Variants in ARB2A observed in about 807,000 individuals in gnomAD.
The protein encoded by ARB2A is cotranscriptional regulator ARB2A.
chr5:94,090,982 A>G, the ARB2A span, among the ~76,000 whole-genome samples: 1 of 152,238 alleles, frequency 6.6e-6, no homozygotes, highest in Non-Finnish European at 1.5e-5. Context: ...ATGCTTTAAC[A>G]GTCTTTGAAT....
At chr5:93,751,306 T>C in the ARB2A span, among the ~76,000 whole-genome samples, 1 of 152,194 alleles carries the variant, frequency 6.6e-6, no homozygotes, top group Non-Finnish European at 1.5e-5. Flanking sequence ...TTTTCATTTA[T>C]TGGTACAATA....
the ARB2A span, among the ~76,000 whole-genome samples, chr5:94,028,167 T>C: frequency 3.9e-5 from 6 of 152,224 alleles, no homozygotes; most frequent in African/African-American, 1.4e-4. Flanking sequence ...ATAGACATTA[T>C]CTCATCTCTC....
chr5:93,739,840 G>A, the ARB2A span: 2 of 152,122 alleles, frequency 1.3e-5, no homozygotes, highest in African/African-American at 2.4e-5. Context: ...TGGGACCGAA[G>A]CTCTGAAGTC....
the ARB2A span, chr5:93,740,869 C>A: frequency 3.3e-5 from 54 of 1,613,878 alleles, no homozygotes; most frequent in South Asian, 5.6e-4. Context: ...GGGCTTAGGG[C>A]ACCGCTGGAA....
chr5:94,074,610 A>G, the ARB2A span: 10 of 1,530,158 alleles, frequency 6.5e-6, no homozygotes, highest in East Asian at 2.3e-5. Context: ...ATTAGGCACA[A>G]TGAAAATTTC....
chr5:93,666,486 C>A, the ARB2A span, among the ~76,000 whole-genome samples: 1 of 148,814 alleles, frequency 6.7e-6, no homozygotes, highest in Non-Finnish European at 1.5e-5. Flanking sequence ...ATCAAAGGAT[C>A]AAAATAGTGC....
chr5:93,982,971 G>T, the ARB2A span, among the ~76,000 whole-genome samples: 1 of 152,114 alleles, frequency 6.6e-6, no homozygotes, highest in Admixed American at 6.5e-5. Flanking sequence ...TAGGAGAATC[G>T]CTTGAACTCA....
At chr5:93,975,986 C>A in the ARB2A span, among the ~76,000 whole-genome samples, 2 of 152,110 alleles carry the variant, frequency 1.3e-5, no homozygotes, top group Non-Finnish European at 2.9e-5. Flanking sequence ...ACCAATCAAT[C>A]CTCAACAAAA....
the ARB2A span, among the ~76,000 whole-genome samples, chr5:93,847,878 T>C: frequency 1.3e-5 from 2 of 152,206 alleles, no homozygotes; most frequent in Non-Finnish European, 2.9e-5. Context: ...CCCTGTGCTA[T>C]GCTAACTCAC....
chr5:93,750,019 G>T, the ARB2A span, among the ~76,000 whole-genome samples: 1 of 152,132 alleles, frequency 6.6e-6, no homozygotes, highest in Admixed American at 6.5e-5. Flanking sequence ...CTTTCTAGGA[G>T]ACTGTGAGCT....
At chr5:94,056,806 T>C in the ARB2A span, among the ~76,000 whole-genome samples, 1 of 152,232 alleles carries the variant, frequency 6.6e-6, no homozygotes, top group Non-Finnish European at 1.5e-5. Flanking sequence ...AATGGTATGA[T>C]GGCTAATTTT....
the ARB2A span, among the ~76,000 whole-genome samples, chr5:93,663,999 A>G: frequency 6.6e-6 from 1 of 152,136 alleles, no homozygotes; most frequent in East Asian, 1.9e-4. Context: ...CAAAGGGTTC[A>G]TGTATCAATA....
the ARB2A span, among the ~76,000 whole-genome samples, chr5:93,629,956 A>G: frequency 1.3e-5 from 2 of 152,156 alleles, no homozygotes; most frequent in African/African-American, 4.8e-5. Context: ...ATATATAACA[A>G]TCAGGAGATC....
chr5:93,771,548 C>T, the ARB2A span, among the ~76,000 whole-genome samples: 4 of 152,066 alleles, frequency 2.6e-5, no homozygotes, highest in South Asian at 4.2e-4. Flanking sequence ...ATTTTCGCAA[C>T]CTACTCATCT....
the ARB2A span, among the ~76,000 whole-genome samples, chr5:93,628,744 T>C: frequency 6.6e-6 from 1 of 152,238 alleles, no homozygotes; most frequent in Non-Finnish European, 1.5e-5. Context: ...TGCAGCTTCT[T>C]CATCTCTCTC....
At chr5:93,908,627 T>G in the ARB2A span, among the ~76,000 whole-genome samples, 1 of 148,542 alleles carries the variant, frequency 6.7e-6, no homozygotes, top group African/African-American at 2.6e-5. Context: ...TAGATAATAC[T>G]CACGTTAACT....
At chr5:93,656,031 G>C in the ARB2A span, among the ~76,000 whole-genome samples, 1 of 152,306 alleles carries the variant, frequency 6.6e-6, no homozygotes, top group East Asian at 1.9e-4. Context: ...ACTTTGCTAT[G>C]TCTGCACTGT....
the ARB2A span, among the ~76,000 whole-genome samples, chr5:93,750,761 A>AAGTTATCCCCACCTTTGCCTCC: frequency 6.6e-6 from 1 of 152,044 alleles, no homozygotes; most frequent in Non-Finnish European, 1.5e-5. Context: ...TCCTGGCCTC[A>AAGTTATCCCCACCTTTGCCTCC]AGCTATCCCC....
the ARB2A span, among the ~76,000 whole-genome samples, chr5:93,629,991 T>C: frequency 2.0e-5 from 3 of 152,238 alleles, no homozygotes; most frequent in East Asian, 3.9e-4. Context: ...TTGAGTCCCA[T>C]TGGGATTAAC....
Sources: gnomAD v4.1 joint callset for allele counts (sites outside exome capture counted in the v4.1 genomes callset) on GRCh38, gnomAD v4.1.1 for gene constraint, MANE v1.5 for transcripts, NCBI Gene and HGNC (gene_info 2026-07-23, HGNC 2026-07-21) for gene names.